The following DAB1 variants were observed in gnomAD, a reference collection of about 807,000 sequenced individuals.
DAB1 encodes the protein disabled homolog 1.
DAB1 carries 15 observed loss-of-function variants against 64.6 expected under a neutral mutation model. The ratio of observed to expected loss-of-function variants is 0.23; its 90% CI spans 0.16 to 0.36. DAB1 has a LOEUF of 0.36. Among genes scored for constraint, DAB1 ranks in the 10% least tolerant of loss-of-function variants. The pLI is 1.00. For missense variants in DAB1, 596 were observed against 706.7 expected (o/e 0.84, Z 1.78); for synonymous variants, 235 against 251.9 (o/e 0.93, Z 0.64).
At chr1:58,293,339 C>A (rs548704428) in intron 4 of DAB1, among the ~76,000 whole-genome samples, 29 of 152,224 alleles carry the variant, frequency 1.9e-4, no homozygotes, top group African/African-American at 6.5e-4. Flanking sequence ...TCAGTAGTCC[C>A]CTGTATTCCC....
intron 2 of DAB1, among the ~76,000 whole-genome samples, chr1:57,186,233 C>T (rs1380466852): frequency 6.6e-6 from 1 of 152,128 alleles, no homozygotes. Flanking sequence ...AATATGTATC[C>T]GTGTTTCTCC....
At chr1:57,141,792 C>T (rs1239717622) in intron 3 of DAB1, among the ~76,000 whole-genome samples, 1 of 152,198 alleles carries the variant, frequency 6.6e-6, no homozygotes, top group Admixed American at 6.5e-5. Flanking sequence ...CATGATGTGA[C>T]TACTGGGTAG....
At chr1:57,956,084 T>G (rs2100255381) in intron 5 of DAB1, among the ~76,000 whole-genome samples, 1 of 152,268 alleles carries the variant, frequency 6.6e-6, no homozygotes, top group South Asian at 2.1e-4. Flanking sequence ...GAATCTGTTG[T>G]GTCAGAGGAA....
At chr1:57,002,362 G>A (rs1174769270) in intron 14 of DAB1, among the ~76,000 whole-genome samples, 5 of 152,190 alleles carry the variant, frequency 3.3e-5, no homozygotes, top group African/African-American at 7.2e-5. Context: ...GCAGAGGGAG[G>A]AGCAATGAGG....
At chr1:57,433,918 G>A (rs1306479119) in intron 7 of DAB1, among the ~76,000 whole-genome samples, 1 of 150,368 alleles carries the variant, frequency 6.7e-6, no homozygotes, top group Non-Finnish European at 1.5e-5. Flanking sequence ...CTGATCCAGA[G>A]GAATATGCAA....
At chr1:58,395,452 CTTCT>C (rs1644513332) in intron 3 of DAB1, among the ~76,000 whole-genome samples, 1 of 152,108 alleles carries the variant, frequency 6.6e-6, no homozygotes, top group African/African-American at 2.4e-5. Flanking sequence ...AGTTTTCTTC[CTTCT>C]TTAACTTTCT....
At chr1:57,560,924 G>A (rs1387481719) in intron 7 of DAB1, among the ~76,000 whole-genome samples, 1 of 152,128 alleles carries the variant, frequency 6.6e-6, no homozygotes, top group Non-Finnish European at 1.5e-5. Context: ...TTGACTACGG[G>A]ACATCAAATT....
intron 2 of DAB1, among the ~76,000 whole-genome samples, chr1:58,520,016 G>C (rs1238306557): frequency 6.6e-6 from 1 of 152,148 alleles, no homozygotes; most frequent in Non-Finnish European, 1.5e-5. Flanking sequence ...CCTATTGCAT[G>C]TTCTCACTCA....
chr1:57,611,269 G>T (rs1375372263), intron 7 of DAB1, among the ~76,000 whole-genome samples: 1 of 151,790 alleles, frequency 6.6e-6, no homozygotes, highest in Non-Finnish European at 1.5e-5. Context: ...CAGCAGCAAG[G>T]TTCCTGCCTT....
intron 2 of DAB1, among the ~76,000 whole-genome samples, chr1:58,507,331 T>C (rs1414472307): frequency 6.6e-6 from 1 of 151,944 alleles, no homozygotes; most frequent in East Asian, 1.9e-4. Context: ...AGATTTATAA[T>C]AGTGTAATTG....
At chr1:57,290,644 T>C (rs1210064190) in intron 2 of DAB1, among the ~76,000 whole-genome samples, 4 of 152,130 alleles carry the variant, frequency 2.6e-5, no homozygotes, top group Non-Finnish European at 4.4e-5. Context: ...ATCTGGAGAA[T>C]AATGAAGAGC....
chr1:57,228,381 T>A (rs1168744622), intron 2 of DAB1, among the ~76,000 whole-genome samples: 1 of 151,578 alleles, frequency 6.6e-6, no homozygotes, highest in African/African-American at 2.4e-5. Flanking sequence ...AAAAAACACA[T>A]CAGTAAGAAA....
intron 5 of DAB1, among the ~76,000 whole-genome samples, chr1:58,126,425 T>A (rs1300712356): frequency 6.6e-6 from 1 of 151,438 alleles, no homozygotes; most frequent in Non-Finnish European, 1.5e-5. Flanking sequence ...TGACTCCTCA[T>A]TCAGAAGGGG....
intron 3 of DAB1, among the ~76,000 whole-genome samples, chr1:58,406,891 G>A (rs186001772): frequency 5.3e-4 from 81 of 152,172 alleles, no homozygotes; most frequent in Middle Eastern, 6.8e-3. Context: ...TCTCTGGACC[G>A]TCTCAGCTGG....
intron 1 of DAB1, among the ~76,000 whole-genome samples, chr1:57,389,085 A>C (rs1241797896): frequency 2.6e-5 from 4 of 152,224 alleles, no homozygotes; most frequent in Admixed American, 1.3e-4. Flanking sequence ...AACAGGAGAC[A>C]TGGGTGGAAC....
chr1:57,819,933 A>G (rs1456238995), intron 6 of DAB1, among the ~76,000 whole-genome samples: 2 of 152,202 alleles, frequency 1.3e-5, no homozygotes, highest in Admixed American at 6.5e-5. Context: ...TGCTATTTAG[A>G]AAAGAGTATT....
chr1:57,329,434 G>A (rs557777791), intron 1 of DAB1, among the ~76,000 whole-genome samples: 3 of 152,148 alleles, frequency 2.0e-5, no homozygotes, highest in African/African-American at 4.8e-5. Context: ...TTATATTGGC[G>A]CTAGTTTTGC....
At chr1:57,205,648 A>G (rs547486033) in intron 2 of DAB1, among the ~76,000 whole-genome samples, 3 of 152,224 alleles carry the variant, frequency 2.0e-5, no homozygotes, top group Non-Finnish European at 2.9e-5. Flanking sequence ...TAGGCTAGGT[A>G]TTATTTCTCT....
intron 7 of DAB1, among the ~76,000 whole-genome samples, chr1:57,511,324 G>C (rs576966334): frequency 2.6e-5 from 4 of 152,196 alleles, no homozygotes; most frequent in Admixed American, 6.5e-5. Flanking sequence ...CTTCTGGCTT[G>C]TGACGTTGCA....
Sources: gnomAD v4.1 joint callset for allele counts (sites outside exome capture counted in the v4.1 genomes callset) on GRCh38, gnomAD v4.1.1 for gene constraint, MANE v1.5 for transcripts, NCBI Gene and HGNC (gene_info 2026-07-23, HGNC 2026-07-21) for gene names.